The following NUDCD1 variants were observed in gnomAD, a reference collection of about 807,000 sequenced individuals.
The protein encoded by NUDCD1 is nudC domain-containing protein 1.
NUDCD1 carries 60 observed loss-of-function variants against 67.8 expected under a neutral mutation model. The observed-to-expected ratio is 0.88, with a 90% CI of 0.72 to 1.10. NUDCD1 has a LOEUF of 1.10. Among genes scored for constraint, NUDCD1 ranks in the 50% least tolerant of loss-of-function variants. NUDCD1 has a pLI of 0.00. For synonymous variants in NUDCD1, 244 were observed against 230.8 expected (o/e 1.06, Z -0.52); for missense variants, 643 against 695.0 (o/e 0.93, Z 0.84).
chr8:109,322,573 AG>A, intron 1 of NUDCD1, 110 bp from the exon 2 acceptor site: 1 of 709,762 alleles, frequency 1.4e-6, no homozygotes. Flanking sequence ...CCAATCACAA[AG>A]GCCTTCAGGA....
intron 5 of NUDCD1, among the ~76,000 whole-genome samples, chr8:109,283,015 T>G (rs1397124578): frequency 6.6e-6 from 1 of 151,802 alleles, no homozygotes; most frequent in African/African-American, 2.4e-5. Flanking sequence ...CTCAACAAGA[T>G]CTAAGACAAA....
At chr8:109,278,916 C>T (rs1168529557) in intron 6 of NUDCD1, among the ~76,000 whole-genome samples, 2 of 152,050 alleles carry the variant, frequency 1.3e-5, no homozygotes, top group African/African-American at 4.8e-5. Flanking sequence ...TGGTGGCTCA[C>T]ACCTGTAATC....
In NUDCD1 at chr8:109,275,369, A is replaced by G. The variant is rs148052356; in HGVS notation, c.1156T>C (p.Leu386=). 278 of 1,613,364 alleles carry G rather than the reference A, an allele frequency of 1.7e-4. 1 individual carries two copies. The African/African-American group carries it at 3.1e-3, about 18-fold the overall frequency. ...CAAIAERLMH[L]TSEELNPNPD... ...CTACTTACCAGTTCTTCAGAGGTCA[A>G]ATGCATCAAACGTTCAGCTATTGCA... Residue 386 remains leucine (L), a synonymous_variant, in exon 7 of 10, where the codon TTG becomes CTG. Transcript: ENST00000239690.
At chr8:109,292,968 T>C (rs55882832) in intron 4 of NUDCD1, among the ~76,000 whole-genome samples, 11,512 of 152,110 alleles carry the variant, frequency 0.076, 669 homozygotes, top group South Asian at 0.22. Context: ...TTTATATTTA[T>C]TTACATTTAA....
intron 8 of NUDCD1, among the ~76,000 whole-genome samples, 191 bp downstream of exon 8, chr8:109,270,814 A>G (rs781447543): frequency 1.3e-5 from 2 of 152,200 alleles, no homozygotes; most frequent in African/African-American, 2.4e-5. Flanking sequence ...ATATCAATAT[A>G]CAGTGGTACC....
intron 2 of NUDCD1, among the ~76,000 whole-genome samples, chr8:109,300,303 A>G (rs1814954604): frequency 6.6e-6 from 1 of 151,742 alleles, no homozygotes; most frequent in Non-Finnish European, 1.5e-5. Flanking sequence ...TAAGCTAATC[A>G]GGGAGGCATC....
Position 109,280,965 on chromosome 8 carries a change from T to C in NUDCD1, c.1028+3A>G, listed in dbSNP as rs764383908. The C allele has an allele frequency of 7.4e-6, 10 of 1,344,474 alleles. No homozygotes were observed. In the Admixed American group the frequency reaches 2.2e-4, roughly 30 times the overall value. The allele number at this position is 1,344,474 out of a possible 1,614,324, so 83.3% of individuals were successfully genotyped here. On this transcript the variant is annotated splice_donor_region_variant and intron_variant, in intron 6 of 9. Coordinates refer to ENST00000239690, the MANE Select transcript of NUDCD1 (RefSeq NM_032869.4). ...ATATTAAAGTAAAATTAAAAAAAAA[T>C]ACCTATTACTCTCTTTAATTATCCA...
intron 8 of NUDCD1, among the ~76,000 whole-genome samples, chr8:109,253,660 C>T (rs928982347): frequency 6.6e-6 from 1 of 152,160 alleles, no homozygotes; most frequent in East Asian, 1.9e-4. Flanking sequence ...TCTTCCAAAA[C>T]GATTGTACTT....
At chr8:109,270,817 G>GT (rs1254023859) in intron 8 of NUDCD1, among the ~76,000 whole-genome samples, 188 bp downstream of exon 8, 1 of 152,082 alleles carries the variant, frequency 6.6e-6, no homozygotes, top group Non-Finnish European at 1.5e-5. Context: ...TCAATATACA[G>GT]TGGTACCAAA....
intron 8 of NUDCD1, among the ~76,000 whole-genome samples, chr8:109,259,861 TAA>T (rs754466479): frequency 2.4e-4 from 37 of 152,228 alleles, no homozygotes; most frequent in Non-Finnish European, 4.9e-4. Flanking sequence ...CCTTATTTAA[TAA>T]GTTTCTTCTG....
chr8:109,306,145 T>C lies in NUDCD1; in HGVS notation c.274-9576A>G, dbSNP rs570992981. 4.6e-5 allele frequency among the ~76,000 whole-genome samples: 7 copies of C among 152,298 alleles called. No individual in the cohort carries two copies. The South Asian group carries it at 1.0e-3, about 23-fold the overall frequency. ...CATAAATGCCCTGCCCTTGTTTACA[T>C]TGCCAGTTTACACTTTTCTTCCAAA... On this transcript the variant is annotated intron_variant, in intron 2 of 9. Transcript: ENST00000239690.
At chr8:109,304,565 A>G (rs1563678831) in intron 2 of NUDCD1, among the ~76,000 whole-genome samples, 1 of 152,188 alleles carries the variant, frequency 6.6e-6, no homozygotes, top group Non-Finnish European at 1.5e-5. Flanking sequence ...CTACGCGTCA[A>G]TATTTAAAGA....
intron 4 of NUDCD1, 71 bp downstream of exon 4, chr8:109,293,273 G>T: frequency 1.3e-6 from 1 of 783,066 alleles, no homozygotes; most frequent in Non-Finnish European, 2.0e-6. Context: ...GTATTTACAG[G>T]GACAGCTTTG....
intron 8 of NUDCD1, among the ~76,000 whole-genome samples, chr8:109,268,965 C>G (rs1233581176): frequency 6.6e-6 from 1 of 152,052 alleles, no homozygotes; most frequent in East Asian, 1.9e-4. Flanking sequence ...TTGACCAGTA[C>G]CCAGCCTGGA....
chr8:109,306,898 GC>G (rs1469652537), intron 2 of NUDCD1, among the ~76,000 whole-genome samples: 1 of 151,820 alleles, frequency 6.6e-6, no homozygotes, highest in East Asian at 1.9e-4. Flanking sequence ...TTCCCATGCT[GC>G]CCCTAATCCC....
rs1283671712 is a variant in NUDCD1, at chr8:109,315,764, A to G, written c.273+6545T>C. On this transcript the variant is annotated intron_variant, in intron 2 of 9. Transcript: ENST00000239690. ...TCATGTTAATCTGCCGTTTGTCAAC[A>G]GATTTTCAGCAAACCTTCTAAGAAT... 7 of 152,334 alleles carry G rather than the reference A, an allele frequency of 4.6e-5. No individual in the cohort carries two copies. In the South Asian group the frequency reaches 1.2e-3, roughly 27 times the overall value. The allele number at this position is 152,334 out of a possible 1,614,324, so 9.4% of individuals were successfully genotyped here. A position where few individuals can be genotyped will look rare whatever the true frequency, so the allele number is the denominator to read the frequency against.
chr8:109,254,975 A>G (rs1047309741), intron 8 of NUDCD1, among the ~76,000 whole-genome samples: 1 of 152,174 alleles, frequency 6.6e-6, no homozygotes, highest in Non-Finnish European at 1.5e-5. Context: ...ACCTTATTTA[A>G]CCTTTGCTAA....
chr8:109,241,155 T>C lies in NUDCD1; in HGVS notation c.*1854A>G, dbSNP rs904968310. 12 of 152,128 alleles carry C rather than the reference T, an allele frequency of 7.9e-5. No homozygotes were observed. Among genetic ancestry groups the C allele is most frequent in the African/African-American group, 2.7e-4 (11 of 41,452 alleles). The allele number at this position is 152,128 out of a possible 1,614,324, so 9.4% of individuals were successfully genotyped here. A position where few individuals can be genotyped will look rare whatever the true frequency, so the allele number is the denominator to read the frequency against. ...CTCTAGACCTATTCATCTTTTAACGTAGGTCAACATGCGACAATATTTAGG... is the reference window on the plus strand; with the variant it reads ...CTCTAGACCTATTCATCTTTTAACGCAGGTCAACATGCGACAATATTTAGG... On this transcript the variant is annotated 3_prime_UTR_variant, in exon 10 of 10. Transcript: ENST00000239690.
At chr8:109,265,842 C>T (rs540775397) in intron 8 of NUDCD1, among the ~76,000 whole-genome samples, 133 of 152,212 alleles carry the variant, frequency 8.7e-4, no homozygotes, top group South Asian at 2.1e-3. Context: ...TGACAGGATG[C>T]GGAGCTCACC....
Sources: allele counts gnomAD v4.1 joint callset (sites outside exome capture counted in the v4.1 genomes callset), GRCh38; gene constraint gnomAD v4.1.1; transcripts MANE v1.5; gene names NCBI Gene and HGNC (gene_info 2026-07-23, HGNC 2026-07-21).